NEK10: variants seen among roughly 807,000 people sequenced by gnomAD.
NEK10 encodes the protein serine/threonine-protein kinase Nek10.
NEK10 carries 122 observed loss-of-function variants against 159.8 expected under a neutral mutation model. That is an observed-to-expected ratio of 0.76 (90% CI 0.66 to 0.89). The LOEUF (loss-of-function observed/expected upper bound fraction) is 0.89. Ranked by LOEUF, NEK10 falls within the 40% of genes least tolerant of loss-of-function variation. NEK10 has a pLI of 0.00. For synonymous variants in NEK10, 466 were observed against 457.1 expected (o/e 1.02, Z -0.25); for missense variants, 1,342 against 1,323.1 (o/e 1.01, Z -0.22).
At chr3:27,116,262 C>A in intron 33 of NEK10, 135 bp from the exon 34 acceptor site, 1 of 751,288 alleles carries the variant, frequency 1.3e-6, no homozygotes, top group Non-Finnish European at 2.2e-6. Context: ...AAGCAAATTC[C>A]AAAGCATCTG....
At chr3:27,313,990 G>A (rs1194895801) in intron 7 of NEK10, among the ~76,000 whole-genome samples, 1 of 152,158 alleles carries the variant, frequency 6.6e-6, no homozygotes, top group Non-Finnish European at 1.5e-5. Flanking sequence ...AGGATTACAG[G>A]TGTGAGCCAC....
At position 27,159,815 on chromosome 3, in the gene NEK10, T is replaced by TAGGAAGCTGTA. The variant is rs1240425860; in HGVS notation, c.2869+2885_2869+2886insTACAGCTTCCT. ...TGACATGAACCTAGAAGTTCAGCTT[T>TAGGAAGCTGTA]TAGGAGTACCATACAGGCAAGATCA... On this transcript the variant is annotated intron_variant, in intron 30 of 35. Coordinates refer to ENST00000691995, the MANE Select transcript of NEK10 (RefSeq NM_001394966.1). Among the ~76,000 whole-genome samples the TAGGAAGCTGTA allele has an allele frequency of 3.9e-5, 6 of 151,962 alleles. No individual in the cohort carries two copies. In the East Asian group the frequency reaches 9.7e-4, roughly 24 times the overall value.
In NEK10 at chr3:27,138,977, G is replaced by A. The variant is rs1943506909; in HGVS notation, c.2970+2505C>T. 2.6e-5 allele frequency among the ~76,000 whole-genome samples: 4 copies of A among 152,054 alleles called. No homozygotes were observed. In the South Asian group the frequency reaches 8.3e-4, roughly 32 times the overall value. ...TTACAGAAAGAAAATGACAAGCTTGGGTCCTTTACAGCTCAGCTGAAGTCA... is the reference window on the plus strand; with the variant it reads ...TTACAGAAAGAAAATGACAAGCTTGAGTCCTTTACAGCTCAGCTGAAGTCA... On this transcript the variant is annotated intron_variant, in intron 31 of 35. Transcript: ENST00000691995.
At chr3:27,141,856 C>T (rs527271428) in intron 30 of NEK10, among the ~76,000 whole-genome samples, 1 of 152,286 alleles carries the variant, frequency 6.6e-6, no homozygotes, top group East Asian at 1.9e-4. Context: ...GCAATTACAG[C>T]AGGCTGCCAT....
intron 26 of NEK10, among the ~76,000 whole-genome samples, chr3:27,175,751 T>C (rs1947446406): frequency 6.6e-6 from 1 of 152,050 alleles, no homozygotes; most frequent in Non-Finnish European, 1.5e-5. Context: ...ACAGATCAGG[T>C]AGACAAAAAG....
At position 27,192,044 on chromosome 3, in the gene NEK10, C is replaced by T. The variant is rs1342724174; in HGVS notation, c.2490G>A (p.Leu830=). The part of the protein sequence containing the change: ...NRNTVTCHHE[L]AVLSHETFEK... ...TTGCACTTACGTGAGATAGAACAGC[C>T]AGCTCATGGTGACATGTGACGGTGT... The change falls in exon 26 of 36, where the codon CTG becomes CTA. Residue 830 remains leucine (L), a synonymous_variant. Coordinates refer to ENST00000691995, the MANE Select transcript of NEK10 (RefSeq NM_001394966.1). 3 of 1,614,164 alleles carry T rather than the reference C, an allele frequency of 1.9e-6. No individual in the cohort carries two copies. The highest frequency in any genetic ancestry group is 2.5e-6 in the Non-Finnish European group (3 of 1,180,018).
chr3:27,249,136 T>C (rs1025379157), intron 23 of NEK10, among the ~76,000 whole-genome samples: 4 of 152,188 alleles, frequency 2.6e-5, no homozygotes, highest in African/African-American at 9.6e-5. Flanking sequence ...GGTTTTGTGT[T>C]TGGTAGTTCC....
chr3:27,214,414 T>C (rs1951292774), intron 23 of NEK10, among the ~76,000 whole-genome samples: 1 of 152,182 alleles, frequency 6.6e-6, no homozygotes, highest in South Asian at 2.1e-4. Flanking sequence ...TGAGAGTCCA[T>C]ATTTACTCCC....
chr3:27,174,919 T>C, intron 26 of NEK10, 86 bp from the exon 27 acceptor site: 1 of 1,087,660 alleles, frequency 9.2e-7, no homozygotes, highest in African/African-American at 1.6e-5. Flanking sequence ...ATATATTAAC[T>C]GCTTCAAATA....
At chr3:27,274,643 G>A (rs1238188622) in intron 22 of NEK10, among the ~76,000 whole-genome samples, 1 of 151,872 alleles carries the variant, frequency 6.6e-6, no homozygotes, top group Non-Finnish European at 1.5e-5. Flanking sequence ...GCGCACACAT[G>A]CAGGCATACA....
chr3:27,284,607 G>C lies in NEK10; in HGVS notation c.2009C>G (p.Thr670Ser). 6.5e-7 allele frequency: 1 copy of C among 1,540,856 alleles called. No homozygotes were observed. ...NIMLGDKDKV[T>S]VTDFGLAKQK... ...TTAAAAATCTTTATACTTACTAACG[G>C]TTACTTTGTCCTTATCCCCCAACAT... The change falls in exon 22 of 36, where the codon ACC becomes AGC. Residue 670 changes from threonine (T) to serine (S), a missense_variant. Coordinates refer to ENST00000691995, the MANE Select transcript of NEK10 (RefSeq NM_001394966.1).
intron 1 of NEK10, among the ~76,000 whole-genome samples, chr3:27,353,544 C>T (rs1398363638): frequency 6.6e-6 from 1 of 152,038 alleles, no homozygotes; most frequent in African/African-American, 2.4e-5. Context: ...TGCTCAAAGA[C>T]AGTTTAAGGA....
chr3:27,270,612 T>C (rs2041261477), intron 22 of NEK10, among the ~76,000 whole-genome samples: 1 of 152,160 alleles, frequency 6.6e-6, no homozygotes, highest in African/African-American at 2.4e-5. Context: ...GACGTCTCAC[T>C]GAGGCTACTG....
chr3:27,232,176 C>T (rs1326944833), intron 23 of NEK10, among the ~76,000 whole-genome samples: 1 of 151,612 alleles, frequency 6.6e-6, no homozygotes, highest in African/African-American at 2.4e-5. Flanking sequence ...AAAAACTCAT[C>T]CAAAAAGCTC....
intron 31 of NEK10, among the ~76,000 whole-genome samples, chr3:27,134,817 A>G (rs1313160231): frequency 6.6e-6 from 1 of 152,220 alleles, no homozygotes; most frequent in Non-Finnish European, 1.5e-5. Context: ...ACTCATGCAT[A>G]GTTTAATTGC....
At chr3:27,201,152 T>A (rs1295627081) in intron 25 of NEK10, among the ~76,000 whole-genome samples, 1 of 152,220 alleles carries the variant, frequency 6.6e-6, no homozygotes. Flanking sequence ...GTTTCATGTG[T>A]TCTTGTCTGG....
chr3:27,133,164 AGG>A (rs2125527880), intron 31 of NEK10, among the ~76,000 whole-genome samples: 1 of 152,352 alleles, frequency 6.6e-6, no homozygotes, highest in Non-Finnish European at 1.5e-5. Flanking sequence ...AAGAAGGAAC[AGG>A]GCCACCTGAG....
intron 1 of NEK10, among the ~76,000 whole-genome samples, chr3:27,368,390 G>T (rs2049261508): frequency 6.6e-6 from 1 of 152,024 alleles, no homozygotes; most frequent in African/African-American, 2.4e-5. Flanking sequence ...TGGATAGATA[G>T]GGCCAGACTA....
chr3:27,216,845 T>G (rs1266271234), intron 23 of NEK10, among the ~76,000 whole-genome samples: 2 of 152,212 alleles, frequency 1.3e-5, no homozygotes, highest in African/African-American at 2.4e-5. Flanking sequence ...ATTATTGTAT[T>G]AAACCAATAA....
Sources: allele counts gnomAD v4.1 joint callset (sites outside exome capture counted in the v4.1 genomes callset), GRCh38; gene constraint gnomAD v4.1.1; transcripts MANE v1.5; gene names NCBI Gene and HGNC (gene_info 2026-07-23, HGNC 2026-07-21).